The following RBPMS variants were observed in gnomAD, a reference collection of about 807,000 sequenced individuals.
RBPMS encodes RNA binding protein, mRNA processing factor, also known as RNA-binding protein with multiple splicing.
In RBPMS, 7 loss-of-function variants were observed where a neutral mutation model predicts 26.8. The ratio of observed to expected loss-of-function variants is 0.26; its 90% CI spans 0.15 to 0.49. The LOEUF is 0.49. Among genes scored for constraint, RBPMS ranks in the 20% least tolerant of loss-of-function variants. The probability of loss-of-function intolerance (pLI) is 0.98; values close to 1 mark genes in which losing one functional copy is unlikely to be tolerated. For missense variants in RBPMS, 186 were observed against 250.0 expected, an observed-to-expected ratio of 0.74 and a Z score of 1.73; for synonymous variants, 96 against 93.3, an observed-to-expected ratio of 1.03 and a Z score of -0.17.
intron 6 of RBPMS, among the ~76,000 whole-genome samples, chr8:30,554,174 G>A (rs114081474): frequency 6.6e-6 from 1 of 152,240 alleles, no homozygotes; most frequent in African/African-American, 2.4e-5. Flanking sequence ...CTGCACTAGG[G>A]AAGGTGAGAG....
At chr8:30,423,296 TC>T (rs1292595347) in intron 1 of RBPMS, among the ~76,000 whole-genome samples, 3 of 152,200 alleles carry the variant, frequency 2.0e-5, no homozygotes, top group Non-Finnish European at 4.4e-5. Context: ...GTTCATGTGT[TC>T]CGGCACCTTG....
At position 30,558,925 on chromosome 8, in the gene RBPMS, C is replaced by G. The variant is rs759118691; in HGVS notation, c.567C>G (p.Gly189=). ...WLPPSEATSQ[G]WKSRQFC is the part of the protein sequence containing the mutation. Reference sequence around the variant, plus strand: ...CTCCCTCCGAGGCTACTTCTCAGGGCTGGAAGTCCCGTCAGTTCTGCTGAA... The same window carrying G: ...CTCCCTCCGAGGCTACTTCTCAGGGGTGGAAGTCCCGTCAGTTCTGCTGAA... Residue 189 remains glycine (G), a synonymous_variant, in exon 7 of 9, where the codon GGC becomes GGG. Transcript: ENST00000397323. 3.7e-6 allele frequency: 6 copies of G among 1,614,036 alleles called. No individual in the cohort carries two copies. Among genetic ancestry groups the G allele is most frequent in the Non-Finnish European group, 4.2e-6 (5 of 1,180,028 alleles).
intron 5 of RBPMS, among the ~76,000 whole-genome samples, chr8:30,517,210 G>GTT (rs1554533318): frequency 6.7e-6 from 1 of 149,758 alleles, no homozygotes; most frequent in African/African-American, 2.5e-5. Flanking sequence ...GTGTGTGTGT[G>GTT]TGTGTGTGTG....
chr8:30,435,887 C>T (rs1046193241), intron 1 of RBPMS, among the ~76,000 whole-genome samples: 3 of 152,150 alleles, frequency 2.0e-5, no homozygotes, highest in Non-Finnish European at 2.9e-5. Context: ...CTCACTGCAG[C>T]CTCCAAACTC....
chr8:30,476,803 C>T lies in RBPMS; in HGVS notation c.145-996C>T, dbSNP rs142274573. The stretch of plus-strand genomic sequence containing the variant: ...GCTATTGATTATTTTCAGAAATAAA[C>T]ACATTTTGTTATCCTTATCTTGAGG... On this transcript the variant is annotated intron_variant, in intron 2 of 8. Coordinates refer to ENST00000397323, the MANE Select transcript of RBPMS (RefSeq NM_001008710.3). Among the ~76,000 whole-genome samples the T allele has an allele frequency of 4.8e-3, 735 of 152,208 alleles. 3 individuals carry two copies. The highest frequency in any genetic ancestry group is 8.4e-3 in the Non-Finnish European group (571 of 68,000).
At chr8:30,542,316 A>G (rs1451217654) in intron 5 of RBPMS, among the ~76,000 whole-genome samples, 2 of 152,160 alleles carry the variant, frequency 1.3e-5, no homozygotes, top group African/African-American at 4.8e-5. Context: ...TGGGAAACAT[A>G]AATTCCAGCA....
chr8:30,440,954 C>G (rs1391075897), intron 1 of RBPMS, among the ~76,000 whole-genome samples: 1 of 151,912 alleles, frequency 6.6e-6, no homozygotes, highest in Non-Finnish European at 1.5e-5. Flanking sequence ...ATCACCACCA[C>G]AGTCCCCCGC....
chr8:30,393,432 C>CT (rs1401064746), intron 1 of RBPMS, among the ~76,000 whole-genome samples: 4 of 151,876 alleles, frequency 2.6e-5, no homozygotes, highest in Non-Finnish European at 5.9e-5. Flanking sequence ...TTGCTTTTAT[C>CT]TTTTTTGACT....
intron 7 of RBPMS, among the ~76,000 whole-genome samples, chr8:30,560,255 C>G (rs991988283): frequency 6.6e-6 from 1 of 152,112 alleles, no homozygotes; most frequent in Admixed American, 6.5e-5. Flanking sequence ...GTGTGGACTT[C>G]ATGTTTGAAG....
intron 1 of RBPMS, among the ~76,000 whole-genome samples, chr8:30,432,642 A>C (rs146240090): frequency 2.1e-3 from 314 of 152,354 alleles, no homozygotes; most frequent in Admixed American, 4.1e-3. Context: ...CTTTATTAAT[A>C]AAGTGTAGTG....
chr8:30,545,288 TC>T, intron 6 of RBPMS: 1 of 1,199,540 alleles, frequency 8.3e-7, no homozygotes, highest in Non-Finnish European at 1.1e-6. Context: ...TAAACAAACT[TC>T]CTGTTTCTCC....
At chr8:30,518,924 T>C (rs552430562) in intron 5 of RBPMS, among the ~76,000 whole-genome samples, 1 of 151,914 alleles carries the variant, frequency 6.6e-6, no homozygotes, top group Admixed American at 6.6e-5. Context: ...GTGATATTGC[T>C]AGTGTCCTCC....
At chr8:30,475,977 G>A (rs1053094702) in intron 2 of RBPMS, among the ~76,000 whole-genome samples, 3 of 152,114 alleles carry the variant, frequency 2.0e-5, no homozygotes, top group Non-Finnish European at 4.4e-5. Flanking sequence ...AATTTCCTGA[G>A]TTTCTTCTGC....
At position 30,571,653 on chromosome 8, in the gene RBPMS, A is replaced by G. The variant is rs780037223; in HGVS notation, c.*1128A>G. 2 of 152,264 alleles carry G rather than the reference A, an allele frequency of 1.3e-5. No individual in the cohort carries two copies. Among genetic ancestry groups the G allele is most frequent in the African/African-American group, 4.8e-5 (2 of 41,472 alleles). 9.4% of individuals were successfully genotyped at this position (152,264 alleles called of 1,614,324 possible). ...ACCGACCACATACCATGAGCTCCCA[A>G]ATGGCGTGTGCTCACTGTGAGACGT... is the stretch of plus-strand genomic sequence containing the variant. On this transcript the variant is annotated 3_prime_UTR_variant, in exon 9 of 9. Transcript: ENST00000397323.
chr8:30,541,494 T>G (rs1825386688), intron 5 of RBPMS, among the ~76,000 whole-genome samples: 1 of 152,112 alleles, frequency 6.6e-6, no homozygotes, highest in Admixed American at 6.6e-5. Context: ...ATTGGTGCAA[T>G]GGGAAAGGAT....
chr8:30,565,682 T>G (rs933510885), intron 7 of RBPMS: 9 of 152,342 alleles, frequency 5.9e-5, no homozygotes, highest in African/African-American at 2.2e-4. Context: ...TGCATCCTTT[T>G]AGTTTTTGTT....
intron 5 of RBPMS, among the ~76,000 whole-genome samples, chr8:30,512,605 C>T (rs919667439): frequency 6.6e-5 from 10 of 152,052 alleles, no homozygotes; most frequent in Non-Finnish European, 1.0e-4. Flanking sequence ...AGTGATCCTC[C>T]TGCCTCAGCC....
intron 5 of RBPMS, among the ~76,000 whole-genome samples, chr8:30,527,533 A>AG (rs1823721553): frequency 6.6e-6 from 1 of 152,154 alleles, no homozygotes; most frequent in African/African-American, 2.4e-5. Context: ...GTCACCCACT[A>AG]GCTGGCCTAC....
At chr8:30,495,493 G>A (rs541611150) in intron 4 of RBPMS, among the ~76,000 whole-genome samples, 1 of 152,224 alleles carries the variant, frequency 6.6e-6, no homozygotes, top group Non-Finnish European at 1.5e-5. Flanking sequence ...GTGCAGTATA[G>A]CTGTTTTACC....
Sources: gnomAD v4.1 joint callset for allele counts (sites outside exome capture counted in the v4.1 genomes callset) on GRCh38, gnomAD v4.1.1 for gene constraint, MANE v1.5 for transcripts, NCBI Gene and HGNC (gene_info 2026-07-23, HGNC 2026-07-21) for gene names.